The following EXOC7 variants were observed in gnomAD, a reference collection of about 807,000 sequenced individuals.
EXOC7 encodes the protein exocyst complex component 7.
A neutral mutation model predicts 87.6 loss-of-function variants in EXOC7; 51 were observed. That is an observed-to-expected ratio of 0.58 (90% CI 0.46 to 0.73). The LOEUF (loss-of-function observed/expected upper bound fraction) is 0.73. Ranked by LOEUF, EXOC7 falls within the 30% of genes least tolerant of loss-of-function variation. EXOC7 has a pLI of 0.00. For synonymous variants in EXOC7, 327 were observed against 357.1 expected, an observed-to-expected ratio of 0.92 and a Z score of 0.95; for missense variants, 744 against 888.4, an observed-to-expected ratio of 0.84 and a Z score of 2.07.
intron 7 of EXOC7, chr17:76,089,901 C>T (rs1350788681): frequency 5.5e-6 from 1 of 182,676 alleles, no homozygotes; most frequent in Non-Finnish European, 1.2e-5. Context: ...TGCCAGCTGC[C>T]CCAGGAGGAG....
chr17:76,097,170 T>C (rs1017554547), intron 5 of EXOC7, among the ~76,000 whole-genome samples: 1 of 152,166 alleles, frequency 6.6e-6, no homozygotes, highest in African/African-American at 2.4e-5. Flanking sequence ...ATAGTGCTCA[T>C]CTTTGGCTTA....
intron 15 of EXOC7, 199 bp from the exon 16 acceptor site, chr17:76,084,779 A>G: frequency 3.3e-6 from 2 of 597,038 alleles, no homozygotes; most frequent in Non-Finnish European, 6.0e-6. Context: ...ACATTAGGAA[A>G]CACTTGAGTG....
intron 8 of EXOC7, 89 bp from the exon 9 acceptor site, chr17:76,089,012 G>A (rs1208896876): frequency 2.0e-6 from 3 of 1,473,732 alleles, no homozygotes; most frequent in Admixed American, 1.7e-5. Context: ...ATGTAGGGGG[G>A]CCAGTGTGCA....
chr17:76,097,898 G>C lies in EXOC7; in HGVS notation c.538C>G (p.Leu180Val). 1.2e-6 allele frequency: 2 copies of C among 1,613,966 alleles called. No homozygotes were observed. Among genetic ancestry groups the C allele is most frequent in the Non-Finnish European group, 1.7e-6 (2 of 1,179,988 alleles). The change falls in exon 5 of 19, where the codon CTG (leucine) becomes GTG (valine). Residue 180 changes from leucine (L) to valine (V), a missense_variant. Physicochemically the swap from Leu to Val is conservative, Grantham distance 32. Transcript: ENST00000589210. ...AGGGTCACGTCCTCCTGGGCCTCCA[G>C]ATCATCGTCACCACTGATCAGATCC... ...ILDLISGDDD[L>V]EAQEDVTLEH...
In EXOC7 at chr17:76,083,611, G is replaced by A. The variant is rs779604859; in HGVS notation, c.*37C>T. 6.9e-6 allele frequency: 11 copies of A among 1,590,008 alleles called. No homozygotes were observed. Among genetic ancestry groups the A allele is most frequent in the East Asian group, 2.2e-5 (1 of 44,784 alleles). On this transcript the variant is annotated 3_prime_UTR_variant, in exon 19 of 19. Transcript: ENST00000589210. ...CACTGGTTTATCTGTCCAATGACAC[G>A]CCAGTCTGGTGGAACCAGGCAGGGC...
chr17:76,101,466 G>C, intron 3 of EXOC7, 90 bp from the exon 4 acceptor site: 2 of 1,525,516 alleles, frequency 1.3e-6, no homozygotes, highest in Non-Finnish European at 1.8e-6. Flanking sequence ...AATTAATACA[G>C]GGGACTCCAG....
rs762472913 is a variant in EXOC7 at position 76,103,602 on chromosome 17, T to G, written c.60+31A>C. 5.1e-6 allele frequency: 8 copies of G among 1,583,152 alleles called. No individual in the cohort carries two copies. In the African/African-American group the frequency reaches 1.0e-4, roughly 20 times the overall value. On this transcript the variant is annotated intron_variant, in intron 1 of 18. Coordinates refer to ENST00000589210, the MANE Select transcript of EXOC7 (RefSeq NM_001013839.4). ...CCGCTGTTGGCCCCTTTCCCTCACC[T>G]CCTCCCCAGCCTCCCCAGGCCCACG... is the stretch of plus-strand genomic sequence containing the variant.
chr17:76,090,528 A>G, intron 7 of EXOC7: 2 of 1,527,402 alleles, frequency 1.3e-6, no homozygotes, highest in Non-Finnish European at 1.8e-6. Flanking sequence ...GGAAGGGGGC[A>G]TCGGAGAGGG....
Position 76,089,201 on chromosome 17 carries a change from T to C in EXOC7, c.1021A>G (p.Lys341Glu), listed in dbSNP as rs770250402. The C allele has an allele frequency of 2.5e-6, 4 of 1,613,744 alleles. No individual in the cohort carries two copies. The highest frequency in any genetic ancestry group is 3.4e-6 in the Non-Finnish European group (4 of 1,180,000). The change falls in exon 8 of 19, where the codon AAG becomes GAG. Residue 341 changes from lysine to glutamate, a missense_variant. This residue lies in a region of EXOC7 where 512 missense variants were observed against 573.0 expected (regional missense o/e 0.89). Transcript: ENST00000589210. ...TGTATCAGGGAGTCGAAGGTCTTCT[T>C]CTGGTGGTGCTCGGGGATGATGTCG... is the stretch of plus-strand genomic sequence containing the variant. ...LADIIPEHHQ[K>E]KTFDSLIQDA...
chr17:76,085,338 T>C lies in EXOC7; in HGVS notation c.1688A>G (p.Gln563Arg). The stretch of plus-strand genomic sequence containing the variant: ...CCTGCGCTGGTAGGTCTGGATCTGC[T>C]GCTCAATGTGCTCCCGGTAGGAGCG... ...AERSYREHIEQQIQTYQRSWL... is the reference protein window; with the variant it reads ...AERSYREHIERQIQTYQRSWL... Residue 563 changes from glutamine to arginine, a missense_variant, in exon 15 of 19, where the codon CAG becomes CGG. Transcript: ENST00000589210. 6.2e-7 allele frequency: 1 copy of C among 1,606,580 alleles called. No individual in the cohort carries two copies. The highest frequency in any genetic ancestry group is 8.5e-7 in the Non-Finnish European group (1 of 1,177,220).
rs780064954 is a variant in EXOC7 at position 76,101,724 on chromosome 17, C to A, written c.266G>T (p.Ser89Ile). ...KTLSCLDHVI[S>I]YYHVASDTEK... ...AGTGTCACTGGCCACATGGTAGTAGCTGATGACATGGTCCAGGCAGGACAG... is the reference window on the plus strand; with the variant it reads ...AGTGTCACTGGCCACATGGTAGTAGATGATGACATGGTCCAGGCAGGACAG... Residue 89 changes from serine to isoleucine, a missense_variant, in exon 3 of 19, where the codon AGC (serine) becomes ATC (isoleucine). Coordinates refer to ENST00000589210, the MANE Select transcript of EXOC7 (RefSeq NM_001013839.4). 6 of 1,614,102 alleles carry A rather than the reference C, an allele frequency of 3.7e-6. No homozygotes were observed. Among genetic ancestry groups the A allele is most frequent in the Non-Finnish European group, 5.1e-6 (6 of 1,179,998 alleles).
intron 4 of EXOC7, among the ~76,000 whole-genome samples, chr17:76,098,902 C>G (rs1417213437): frequency 6.6e-6 from 1 of 150,940 alleles, no homozygotes; most frequent in Non-Finnish European, 1.5e-5. Flanking sequence ...CGATTATTTT[C>G]TCACTGAACC....
chr17:76,092,812 T>A (rs1215349297), intron 6 of EXOC7: 1 of 152,190 alleles, frequency 6.6e-6, no homozygotes, highest in Non-Finnish European at 1.5e-5. Flanking sequence ...CCTCCAGGGA[T>A]GCTGAGGTCG....
At chr17:76,092,847 C>T (rs910767399) in intron 6 of EXOC7, 5 of 152,256 alleles carry the variant, frequency 3.3e-5, no homozygotes, top group African/African-American at 1.2e-4. Context: ...GGGAGGCCTC[C>T]CTGTCCCTCT....
chr17:76,096,485 G>A (rs1464484473), intron 5 of EXOC7, among the ~76,000 whole-genome samples: 2 of 147,918 alleles, frequency 1.4e-5, no homozygotes, highest in Non-Finnish European at 1.5e-5. Flanking sequence ...GCACTCCAGC[G>A]TGGGTGACAG....
At position 76,084,589 on chromosome 17, in the gene EXOC7, CAGAA is replaced by C. The variant is rs2067126503; in HGVS notation, c.1713-13_1713-10del. The stretch of plus-strand genomic sequence containing the variant: ...CAGTCACCTTTAACCAGCTGCCAGA[CAGAA>C]AGAGAAGCATGAGGGCAGAGGGTGG... On this transcript the variant is annotated splice_polypyrimidine_tract_variant and intron_variant, in intron 15 of 18. Transcript: ENST00000589210. The C allele has an allele frequency of 1.2e-5, 19 of 1,611,970 alleles. No individual in the cohort carries two copies. The highest frequency in any genetic ancestry group is 1.4e-5 in the Non-Finnish European group (17 of 1,178,362).
At chr17:76,096,208 T>C (rs966511099) in intron 5 of EXOC7, among the ~76,000 whole-genome samples, 3 of 149,676 alleles carry the variant, frequency 2.0e-5, no homozygotes, top group African/African-American at 4.9e-5. Context: ...AAGAGAAGAG[T>C]TGGAGGGCTA....
rs1408835074 is a variant in EXOC7, at chr17:76,091,914, C to T, written c.809-679G>A. Among the ~76,000 whole-genome samples, 10 of 152,102 alleles carry T rather than the reference C, an allele frequency of 6.6e-5. No homozygotes were observed. In the South Asian group the frequency reaches 1.2e-3, roughly 19 times the overall value. Reference sequence around the variant, plus strand: ...ACACAGAGCGCCTGGAGGGTGTGCACGGAAGGAGAGGGCACATGCTCTTGG... The same window carrying T: ...ACACAGAGCGCCTGGAGGGTGTGCATGGAAGGAGAGGGCACATGCTCTTGG... On this transcript the variant is annotated intron_variant, in intron 6 of 18. Coordinates refer to ENST00000589210, the MANE Select transcript of EXOC7 (RefSeq NM_001013839.4).
intron 6 of EXOC7, chr17:76,091,613 A>C: frequency 5.3e-6 from 1 of 189,878 alleles, no homozygotes; most frequent in Non-Finnish European, 1.1e-5. Flanking sequence ...AGAGGGCACA[A>C]CCAGGGTGGG....
Sources: allele counts gnomAD v4.1 joint callset (sites outside exome capture counted in the v4.1 genomes callset), GRCh38; gene constraint gnomAD v4.1.1; regional missense constraint gnomAD v4.1.1; transcripts MANE v1.5; gene names NCBI Gene and HGNC (gene_info 2026-07-23, HGNC 2026-07-21).